The following RBL2 variants were observed in gnomAD, a reference collection of about 807,000 sequenced individuals.
The protein encoded by RBL2 is RB transcriptional corepressor like 2.
Under a neutral mutation model 126.0 loss-of-function variants are expected in RBL2, and 56 were observed. The observed-to-expected ratio is 0.44, with a 90% CI of 0.36 to 0.56. The LOEUF is 0.56. RBL2 is among the 20% of genes least tolerant of loss of function. The pLI, the probability that RBL2 is intolerant of heterozygous loss-of-function variation, is 0.00. For missense variants in RBL2, 1,229 were observed against 1,398.2 expected (o/e 0.88, Z 1.93); for synonymous variants, 454 against 478.5 (o/e 0.95, Z 0.67).
intron 12 of RBL2, 129 bp from the exon 13 acceptor site, chr16:53,465,309 C>T (rs1180049960): frequency 7.0e-6 from 4 of 573,608 alleles, no homozygotes; most frequent in Non-Finnish European, 1.1e-5. Flanking sequence ...TAATTATTTA[C>T]AAAGACAGTA....
intron 8 of RBL2, among the ~76,000 whole-genome samples, chr16:53,455,444 T>C (rs1200612805): frequency 6.6e-6 from 1 of 152,202 alleles, no homozygotes; most frequent in Non-Finnish European, 1.5e-5. Context: ...TGCTTATTCA[T>C]TCAACAGATA....
intron 7 of RBL2, chr16:53,454,281 T>G (rs1295977247): frequency 2.3e-6 from 1 of 440,190 alleles, no homozygotes; most frequent in Non-Finnish European, 4.5e-6. Flanking sequence ...CTCGGCTCAC[T>G]GCAACCTCTG....
intron 17 of RBL2, among the ~76,000 whole-genome samples, chr16:53,472,896 C>T (rs1235036080): frequency 2.0e-5 from 3 of 152,056 alleles, no homozygotes; most frequent in African/African-American, 4.8e-5. Flanking sequence ...GGTAGCAGTC[C>T]ATTTCCATTC....
chr16:53,463,699 C>G (rs976773840), intron 11 of RBL2, among the ~76,000 whole-genome samples: 3 of 150,772 alleles, frequency 2.0e-5, no homozygotes, highest in Admixed American at 6.7e-5. Context: ...CTCTGAGTAG[C>G]TGGGACTACA....
At chr16:53,462,686 G>A (rs7204496) in intron 11 of RBL2, 31 bp downstream of exon 11, 609,257 of 1,338,834 alleles carry the variant, frequency 0.46, 142,954 homozygotes, top group African/African-American at 0.55. Context: ...ATTGATCAGC[G>A]CAATGAAACA....
In RBL2 at chr16:53,469,940, A is replaced by G. The variant is rs1463471479; in HGVS notation, c.2000A>G (p.Tyr667Cys). The G allele has an allele frequency of 1.3e-6, 2 of 1,592,796 alleles. No homozygotes were observed. Among genetic ancestry groups the G allele is most frequent in the East Asian group, 2.2e-5 (1 of 44,588 alleles). The change falls in exon 15 of 22, where the codon TAC becomes TGC. Residue 667 changes from tyrosine to cysteine, a missense_variant. By Grantham distance (194) the Tyr-to-Cys change is radical. Coordinates refer to ENST00000262133, the MANE Select transcript of RBL2 (RefSeq NM_005611.4). Reference protein sequence around the residue: ...GRSITSPTTLYDRYSSPPAST... With the variant: ...GRSITSPTTLCDRYSSPPAST... ...GGCATAACATCTCCAACCACATTAT[A>G]CGATAGGTACAGCTCCCCACCAGCC...
In RBL2 at chr16:53,453,337, A is replaced by G. The variant is rs933870058; in HGVS notation, c.767-115A>G. 3.6e-5 allele frequency: 34 copies of G among 944,468 alleles called. No homozygotes were observed. The Middle Eastern group carries it at 7.0e-4, about 19-fold the overall frequency. 58.5% of individuals were successfully genotyped at this position (944,468 alleles called of 1,614,324 possible). A position where few individuals can be genotyped will look rare whatever the true frequency, so the allele number is the denominator to read the frequency against. ...AATAGGCCCATATATACTGTTTCCT[A>G]TACATTTGTATGCTAAGTGGTATAC... On this transcript the variant is annotated intron_variant, in intron 5 of 21. Transcript: ENST00000262133.
At chr16:53,474,330 T>G (rs1179665646) in intron 17 of RBL2, among the ~76,000 whole-genome samples, 3 of 139,176 alleles carry the variant, frequency 2.2e-5, no homozygotes, top group Non-Finnish European at 3.1e-5. Context: ...TATTTATTTA[T>G]TTTGAGATGG....
chr16:53,450,797 A>G (rs1321822829), intron 4 of RBL2, among the ~76,000 whole-genome samples: 1 of 152,302 alleles, frequency 6.6e-6, no homozygotes, highest in Admixed American at 6.5e-5. Context: ...AGTATTAAAA[A>G]TGTTACTGTT....
Position 53,434,614 on chromosome 16 carries a change from G to A in RBL2, c.58G>A (p.Ala20Thr). 1 of 1,553,612 alleles carries A rather than the reference G, an allele frequency of 6.4e-7. No individual in the cohort carries two copies. Among genetic ancestry groups the A allele is most frequent in the Non-Finnish European group, 8.6e-7 (1 of 1,158,648 alleles). Reference sequence around the variant, plus strand: ...CCCGCCTCCCCCTCCGGCGGCGGCAGCCTCGGATGAGGAGGAGGAGGACGA... The same window carrying A: ...CCCGCCTCCCCCTCCGGCGGCGGCAACCTCGGATGAGGAGGAGGAGGACGA... Reference protein sequence around the residue: ...PPPPPPPAAAASDEEEEDDGE... With the variant: ...PPPPPPPAAATSDEEEEDDGE... The change falls in exon 1 of 22, where the codon GCC becomes ACC. Residue 20 changes from alanine to threonine, a missense_variant. Coordinates refer to ENST00000262133, the MANE Select transcript of RBL2 (RefSeq NM_005611.4).
intron 4 of RBL2, among the ~76,000 whole-genome samples, chr16:53,447,778 G>A (rs529067633): frequency 3.9e-5 from 6 of 152,062 alleles, no homozygotes; most frequent in African/African-American, 1.2e-4. Context: ...CCGAATAGCC[G>A]TGATTACAGG....
chr16:53,447,023 T>C lies in RBL2; in HGVS notation c.573-19T>C. ...GATTCTTCTGTTGTCTCATGACTTT[T>C]TTTTTTCTTCCCCCAAAGGCGACAG... On this transcript the variant is annotated intron_variant, in intron 3 of 21. Coordinates refer to ENST00000262133, the MANE Select transcript of RBL2 (RefSeq NM_005611.4). 6.7e-7 allele frequency: 1 copy of C among 1,484,986 alleles called. No homozygotes were observed. The highest frequency in any genetic ancestry group is 9.0e-7 in the Non-Finnish European group (1 of 1,115,674). The allele number at this position is 1,484,986 out of a possible 1,614,324, so 92.0% of individuals were successfully genotyped here. A position where few individuals can be genotyped will look rare whatever the true frequency, so the allele number is the denominator to read the frequency against.
In RBL2 at chr16:53,470,393, T is replaced by C; in HGVS notation, c.2256T>C (p.Asn752=). The change falls in exon 16 of 22, where the codon AAT becomes AAC. Residue 752 remains asparagine (N), a synonymous_variant. Transcript: ENST00000262133. ...TVTIPVQGIA[N]ENGGITFFPV... is the part of the protein sequence containing the mutation. ...TTTCTCTGTCACTAGGTATTGCCAA[T>C]GAAAATGGAGGGATAACATTCTTCC... 1.2e-6 allele frequency: 2 copies of C among 1,611,468 alleles called. No individual in the cohort carries two copies. Among genetic ancestry groups the C allele is most frequent in the Non-Finnish European group, 1.7e-6 (2 of 1,177,752 alleles).
At position 53,442,716 on chromosome 16, in the gene RBL2, C is replaced by A; in HGVS notation, c.430C>A (p.His144Asn). 4 of 1,613,912 alleles carry A rather than the reference C, an allele frequency of 2.5e-6. No homozygotes were observed. Among genetic ancestry groups the A allele is most frequent in the Non-Finnish European group, 3.4e-6 (4 of 1,179,846 alleles). ...GGAAGACATGGCAAATCTACCCCCA[C>A]ATTTCAGAGAACGTACTGAGAGATT... ...KWEDMANLPPHFRERTERLER... is the reference protein window; with the variant it reads ...KWEDMANLPPNFRERTERLER... Residue 144 changes from histidine to asparagine, a missense_variant, in exon 3 of 22, where the codon CAT becomes AAT. By Grantham distance (68) the His-to-Asn change is moderately conservative. Transcript: ENST00000262133.
chr16:53,480,808 A>C (rs541329355), intron 20 of RBL2, 39 bp downstream of exon 20: 1 of 1,565,238 alleles, frequency 6.4e-7, no homozygotes, highest in East Asian at 2.2e-5. Flanking sequence ...TTTTTCACTC[A>C]TGAGTGTTGA....
In RBL2 at chr16:53,491,612, A is replaced by AGAT. The variant is rs1371443462; in HGVS notation, c.*1313_*1315dup. ...ATACTGCTACTGTAATTTTATATGAAGATAAGTGTATTTTTCAATAAAGCA... is the reference window on the plus strand; with the variant it reads ...ATACTGCTACTGTAATTTTATATGAAGATGATAAGTGTATTTTTCAATAAAGCA... On this transcript the variant is annotated 3_prime_UTR_variant, in exon 22 of 22. Coordinates refer to ENST00000262133, the MANE Select transcript of RBL2 (RefSeq NM_005611.4). The AGAT allele has an allele frequency of 1.3e-5, 2 of 152,622 alleles. No individual in the cohort carries two copies. The highest frequency in any genetic ancestry group is 3.8e-4 in the East Asian group (2 of 5,202). 9.5% of individuals were successfully genotyped at this position (152,622 alleles called of 1,614,324 possible). A position where few individuals can be genotyped will look rare whatever the true frequency, so the allele number is the denominator to read the frequency against.
intron 14 of RBL2, among the ~76,000 whole-genome samples, chr16:53,468,378 C>T (rs765991558): frequency 6.6e-6 from 1 of 151,208 alleles, no homozygotes; most frequent in African/African-American, 2.5e-5. Context: ...ATCTCTACCC[C>T]CAACCCCCCC....
intron 17 of RBL2, among the ~76,000 whole-genome samples, chr16:53,475,594 T>G (rs540209599): frequency 6.6e-6 from 1 of 152,130 alleles, no homozygotes; most frequent in Non-Finnish European, 1.5e-5. Flanking sequence ...CTTTTTCTTT[T>G]AAAAACCAGC....
intron 21 of RBL2, chr16:53,489,400 A>G (rs1443629277): frequency 1.3e-5 from 2 of 152,270 alleles, no homozygotes; most frequent in Non-Finnish European, 2.9e-5. Context: ...GAAGCAGCAC[A>G]TGAAAAAGAA....
Sources: gnomAD v4.1 joint callset for allele counts (sites outside exome capture counted in the v4.1 genomes callset) on GRCh38, gnomAD v4.1.1 for gene constraint, MANE v1.5 for transcripts, NCBI Gene and HGNC (gene_info 2026-07-23, HGNC 2026-07-21) for gene names.